Variants in SLIT2 observed in about 807,000 individuals in gnomAD.
The protein encoded by SLIT2 is slit guidance ligand 2.
A neutral mutation model predicts 185.7 loss-of-function variants in SLIT2; 41 were observed. That is an observed-to-expected ratio of 0.22 (90% CI 0.17 to 0.29). SLIT2 has a LOEUF of 0.29. Ranked by LOEUF, SLIT2 falls within the 10% of genes least tolerant of loss-of-function variation. The probability of loss-of-function intolerance (pLI) is 1.00; values close to 1 mark genes in which losing one functional copy is unlikely to be tolerated. For missense variants in SLIT2, 1,571 were observed against 1,909.0 expected (o/e 0.82, Z 3.30); for synonymous variants, 693 against 680.2 (o/e 1.02, Z -0.29).
chr4:20,528,324 G>A lies in SLIT2; in HGVS notation c.1463-625G>A, dbSNP rs778255199. ...TTGTGCTTGATCTAACCATGTGGTTGCGAGGTATGAGTAAAACATGGTTCC... is the reference window on the plus strand; with the variant it reads ...TTGTGCTTGATCTAACCATGTGGTTACGAGGTATGAGTAAAACATGGTTCC... On this transcript the variant is annotated intron_variant, in intron 15 of 36. Transcript: ENST00000504154. The surrounding 1 kb of genome is among the most constrained non-coding windows in gnomAD (Gnocchi z 4.2). 3.7e-6 allele frequency: 2 copies of A among 534,668 alleles called. No individual in the cohort carries two copies. Among genetic ancestry groups the A allele is most frequent in the South Asian group, 2.8e-5 (2 of 71,584 alleles). The allele number at this position is 534,668 out of a possible 1,614,324, so 33.1% of individuals were successfully genotyped here.
chr4:20,449,401 T>C (rs149558404), intron 4 of SLIT2, among the ~76,000 whole-genome samples: 1 of 152,064 alleles, frequency 6.6e-6, no homozygotes, highest in African/African-American at 2.4e-5. Context: ...AAAACAGGGT[T>C]TTTGTTTTGT....
At chr4:20,394,489 A>T (rs2109378173) in intron 4 of SLIT2, 1 of 152,018 alleles carries the variant, frequency 6.6e-6, no homozygotes, top group Admixed American at 6.6e-5. Context: ...GCCACCTACT[A>T]ATCTTGTCTA....
rs1714429808 is a variant in SLIT2 at position 20,278,795 on chromosome 4, G to A, written c.395+9914G>A. Among the ~76,000 whole-genome samples the A allele has an allele frequency of 2.1e-5, 3 of 146,308 alleles. No individual in the cohort carries two copies. In the Admixed American group the frequency reaches 2.1e-4, roughly 10 times the overall value. On this transcript the variant is annotated intron_variant, in intron 4 of 36. Coordinates refer to ENST00000504154, the MANE Select transcript of SLIT2 (RefSeq NM_004787.4). ...CCAACTGATATTCCAAGCCAATTGGGTGATGCCAGTGGTGGGGGGCGGTGG... is the reference window on the plus strand; with the variant it reads ...CCAACTGATATTCCAAGCCAATTGGATGATGCCAGTGGTGGGGGGCGGTGG...
At chr4:20,397,227 G>A (rs1725968252) in intron 4 of SLIT2, among the ~76,000 whole-genome samples, 1 of 151,724 alleles carries the variant, frequency 6.6e-6, no homozygotes, top group South Asian at 2.1e-4. Flanking sequence ...CTCTTGTGCA[G>A]GGACCTACCT....
chr4:20,354,932 A>AGAGG (rs1722204689), intron 4 of SLIT2, among the ~76,000 whole-genome samples: 1 of 151,630 alleles, frequency 6.6e-6, no homozygotes, highest in South Asian at 2.1e-4. Flanking sequence ...AGAGAGAGAG[A>AGAGG]GAGAGAGAGA....
At chr4:20,481,003 C>A (rs1716644390) in intron 6 of SLIT2, among the ~76,000 whole-genome samples, 1 of 151,920 alleles carries the variant, frequency 6.6e-6, no homozygotes, top group Admixed American at 6.6e-5. Context: ...TGTGTAAGGT[C>A]ACTCAAATGT....
intron 12 of SLIT2, among the ~76,000 whole-genome samples, chr4:20,520,134 G>A (rs1055595539): frequency 1.3e-5 from 2 of 151,470 alleles, no homozygotes; most frequent in African/African-American, 4.9e-5. Flanking sequence ...TTCCTCAAAC[G>A]GATGGTGTGC....
At chr4:20,411,255 C>T (rs1727239454) in intron 4 of SLIT2, among the ~76,000 whole-genome samples, 1 of 152,190 alleles carries the variant, frequency 6.6e-6, no homozygotes, top group African/African-American at 2.4e-5. Context: ...CATTCAGCTT[C>T]TATGTACCTT....
At chr4:20,482,152 A>C (rs1277679169) in intron 6 of SLIT2, among the ~76,000 whole-genome samples, 1 of 152,026 alleles carries the variant, frequency 6.6e-6, no homozygotes, top group African/African-American at 2.4e-5. Context: ...TGTCACTAAA[A>C]TTCATAGATG....
intron 4 of SLIT2, among the ~76,000 whole-genome samples, chr4:20,464,880 C>T (rs1337168450): frequency 6.6e-6 from 1 of 151,652 alleles, no homozygotes; most frequent in Non-Finnish European, 1.5e-5. Context: ...GTTTGATATT[C>T]GCCTCATCTT....
At chr4:20,570,711 G>C (rs1246231286) in intron 29 of SLIT2, among the ~76,000 whole-genome samples, 2 of 79,014 alleles carry the variant, frequency 2.5e-5, no homozygotes, top group African/African-American at 4.8e-5. Flanking sequence ...ACAGAACCAG[G>C]AATATATATA....
intron 29 of SLIT2, among the ~76,000 whole-genome samples, chr4:20,587,892 A>G (rs1387968223): frequency 6.6e-6 from 1 of 152,246 alleles, no homozygotes; most frequent in East Asian, 1.9e-4. Flanking sequence ...ATTTAGGCAT[A>G]AAGTGAAAAG....
chr4:20,361,260 G>A (rs1038609394), intron 4 of SLIT2, among the ~76,000 whole-genome samples: 1 of 115,198 alleles, frequency 8.7e-6, no homozygotes, highest in Non-Finnish European at 2.0e-5. Context: ...CATATATTAG[G>A]TTTTATTAGA....
intron 5 of SLIT2, among the ~76,000 whole-genome samples, chr4:20,472,214 G>A (rs1715116093): frequency 8.5e-6 from 1 of 117,828 alleles, no homozygotes; most frequent in African/African-American, 3.2e-5. Flanking sequence ...AGAAATGTGT[G>A]TGTGTGTGTA....
Position 20,542,568 on chromosome 4 carries a change from T to C in SLIT2, c.2218T>C (p.Cys740Arg), listed in dbSNP as rs1722895730. Residue 740 changes from cysteine (C) to arginine (R), a missense_variant, in exon 21 of 37, where the codon TGT (cysteine) becomes CGT (arginine). By Grantham distance (180) the Cys-to-Arg change is radical. Coordinates refer to ENST00000504154, the MANE Select transcript of SLIT2 (RefSeq NM_004787.4). ...TACTTGCTTGGATACAGTCGTCCGA[T>C]GTAGCAACAAGGGTTTGAAGGTCTT... ...ECTCLDTVVR[C>R]SNKGLKVLPK... 2 of 1,613,942 alleles carry C rather than the reference T, an allele frequency of 1.2e-6. No homozygotes were observed. Among genetic ancestry groups the C allele is most frequent in the Non-Finnish European group, 1.7e-6 (2 of 1,179,844 alleles).
At chr4:20,521,298 A>C (rs2148845318) in intron 12 of SLIT2, among the ~76,000 whole-genome samples, 1 of 152,372 alleles carries the variant, frequency 6.6e-6, no homozygotes, top group South Asian at 2.1e-4. Flanking sequence ...CCAGAGGGAA[A>C]GAACGGCATG....
rs1426777579 is a variant in SLIT2, at chr4:20,523,823, G to A, written c.1194G>A (p.Leu398=). ...RVDAFQDLHN[L]NLLSLYDNKL... ...ATGCTTTTCAGGATCTCCACAACTT[G>A]AACCTTCTCTCCCTATATGACAACA... is the stretch of plus-strand genomic sequence containing the variant. The change falls in exon 13 of 37, where the codon TTG becomes TTA. Residue 398 remains leucine, a synonymous_variant. Transcript: ENST00000504154. 6.2e-7 allele frequency: 1 copy of A among 1,614,000 alleles called. No homozygotes were observed.
chr4:20,464,269 A>G (rs1043606936), intron 4 of SLIT2, among the ~76,000 whole-genome samples: 1 of 152,072 alleles, frequency 6.6e-6, no homozygotes, highest in African/African-American at 2.4e-5. Context: ...ATCTGTCCTA[A>G]ATTCCATTGC....
intron 3 of SLIT2, among the ~76,000 whole-genome samples, chr4:20,262,068 C>T (rs1712529654): frequency 6.6e-6 from 1 of 151,792 alleles, no homozygotes; most frequent in Non-Finnish European, 1.5e-5. Context: ...CTTGAACAGT[C>T]AAGCTGTTAA....
Sources: gnomAD v4.1 joint callset for allele counts (sites outside exome capture counted in the v4.1 genomes callset) on GRCh38, gnomAD v4.1.1 for gene constraint, Gnocchi (gnomAD v3.1) non-coding constraint, MANE v1.5 for transcripts, NCBI Gene and HGNC (gene_info 2026-07-23, HGNC 2026-07-21) for gene names.